ASXL3: variants seen among roughly 807,000 people sequenced by gnomAD.
The protein encoded by ASXL3 is putative Polycomb group protein ASXL3.
Under a neutral mutation model 170.6 loss-of-function variants are expected in ASXL3, and 34 were observed. The ratio of observed to expected loss-of-function variants is 0.20; its 90% confidence interval spans 0.15 to 0.27. ASXL3 has a LOEUF of 0.27. Among genes scored for constraint, ASXL3 ranks in the 10% least tolerant of loss-of-function variants. The pLI, the probability that ASXL3 is intolerant of heterozygous loss-of-function variation, is 1.00. For synonymous variants in ASXL3, 1,002 were observed against 989.1 expected, an observed-to-expected ratio of 1.01 and a Z score of -0.24; for missense variants, 2,592 against 2,695.3, an observed-to-expected ratio of 0.96 and a Z score of 0.85.
At chr18:33,589,598 G>A (rs1339368485) in intron 1 of ASXL3, among the ~76,000 whole-genome samples, 2 of 152,078 alleles carry the variant, frequency 1.3e-5, no homozygotes, top group Admixed American at 6.6e-5. Flanking sequence ...CTATTGTCTA[G>A]TACATTGATT....
At chr18:33,709,746 G>T (rs906441640) in intron 8 of ASXL3, among the ~76,000 whole-genome samples, 2 of 152,144 alleles carry the variant, frequency 1.3e-5, no homozygotes, top group Non-Finnish European at 2.9e-5. Context: ...TTCTATATAT[G>T]TTACACTTCA....
At chr18:33,713,248 G>GAGACAGGGTTT (rs2067104084) in intron 8 of ASXL3, among the ~76,000 whole-genome samples, 1 of 65,086 alleles carries the variant, frequency 1.5e-5, no homozygotes, top group African/African-American at 6.2e-5. Context: ...GTTTTGTTTT[G>GAGACAGGGTTT]TTTTTTTTTT....
At chr18:33,580,226 C>G (rs1298083027) in intron 1 of ASXL3, among the ~76,000 whole-genome samples, 1 of 152,196 alleles carries the variant, frequency 6.6e-6, no homozygotes, top group East Asian at 1.9e-4. Flanking sequence ...TGAACTGCAT[C>G]TGGAAGAGGA....
chr18:33,697,105 A>G (rs763480951), intron 8 of ASXL3, among the ~76,000 whole-genome samples: 20 of 152,172 alleles, frequency 1.3e-4, no homozygotes, highest in Non-Finnish European at 2.2e-4. Context: ...ATAACTAGGC[A>G]TAGAAAAGAT....
At chr18:33,644,554 A>G (rs1173420401) in intron 2 of ASXL3, among the ~76,000 whole-genome samples, 1 of 150,366 alleles carries the variant, frequency 6.7e-6, no homozygotes, top group Non-Finnish European at 1.5e-5. Context: ...TCATGGTGTT[A>G]TTTGTAAAAT....
intron 8 of ASXL3, among the ~76,000 whole-genome samples, chr18:33,686,031 G>A (rs2066591895): frequency 6.6e-6 from 1 of 152,194 alleles, no homozygotes; most frequent in Admixed American, 6.5e-5. Context: ...GATTGTCTTA[G>A]TTTTAGTCGA....
intron 8 of ASXL3, among the ~76,000 whole-genome samples, chr18:33,709,291 A>G (rs1475995982): frequency 6.7e-6 from 1 of 149,450 alleles, no homozygotes; most frequent in East Asian, 2.0e-4. Flanking sequence ...GAAATCATTG[A>G]TATGTTTACC....
intron 2 of ASXL3, among the ~76,000 whole-genome samples, chr18:33,623,773 A>G (rs1034832421): frequency 6.6e-6 from 1 of 152,166 alleles, no homozygotes; most frequent in Admixed American, 6.6e-5. Flanking sequence ...AAGGGAGTCT[A>G]GTTAGTGTTC....
At chr18:33,675,611 AT>A (rs1344882615) in intron 7 of ASXL3, among the ~76,000 whole-genome samples, 60 of 152,122 alleles carry the variant, frequency 3.9e-4, no homozygotes, top group Non-Finnish European at 1.3e-4. Flanking sequence ...AGGATAGAAA[AT>A]TCTTCTGATT....
chr18:33,669,716 T>G (rs542699774), intron 5 of ASXL3, among the ~76,000 whole-genome samples: 1 of 152,272 alleles, frequency 6.6e-6, no homozygotes, highest in South Asian at 2.1e-4. Context: ...ACTGGGATGT[T>G]GTAAAATTGG....
chr18:33,638,170 T>C (rs2065797604), intron 2 of ASXL3, among the ~76,000 whole-genome samples: 1 of 150,212 alleles, frequency 6.7e-6, no homozygotes. Flanking sequence ...AGTGTGTGTA[T>C]ATATATATCT....
At chr18:33,651,861 G>A (rs1246681196) in intron 4 of ASXL3, among the ~76,000 whole-genome samples, 3 of 152,062 alleles carry the variant, frequency 2.0e-5, no homozygotes, top group Non-Finnish European at 4.4e-5. Flanking sequence ...AATGGGAGAT[G>A]TGTTGCCAAG....
intron 8 of ASXL3, among the ~76,000 whole-genome samples, chr18:33,707,752 G>A (rs879709946): frequency 1.3e-5 from 2 of 151,808 alleles, no homozygotes; most frequent in Non-Finnish European, 2.9e-5. Flanking sequence ...TTTAAACTTC[G>A]GTTTAAAGAT....
chr18:33,657,630 C>T (rs796379425), intron 4 of ASXL3, among the ~76,000 whole-genome samples: 69 of 152,146 alleles, frequency 4.5e-4, no homozygotes, highest in African/African-American at 1.5e-3. Context: ...CACTGAAGCC[C>T]GCAGTTTTGC....
At chr18:33,597,771 G>C (rs1198057223) in intron 1 of ASXL3, among the ~76,000 whole-genome samples, 1 of 148,258 alleles carries the variant, frequency 6.7e-6, no homozygotes, top group Non-Finnish European at 1.5e-5. Context: ...TTAATGTATT[G>C]GTGTCTCAGT....
chr18:33,699,468 A>T (rs2066832457), intron 8 of ASXL3, among the ~76,000 whole-genome samples: 1 of 152,168 alleles, frequency 6.6e-6, no homozygotes, highest in South Asian at 2.1e-4. Context: ...TTGAAGATGG[A>T]GTGATAGAGA....
intron 7 of ASXL3, among the ~76,000 whole-genome samples, chr18:33,675,082 C>G (rs8089672): frequency 1.3e-5 from 2 of 152,096 alleles, no homozygotes; most frequent in South Asian, 4.1e-4. Context: ...CTTACTACAA[C>G]CATCATAGCC....
intron 2 of ASXL3, among the ~76,000 whole-genome samples, chr18:33,634,944 A>G (rs148307140): frequency 2.4e-4 from 37 of 152,278 alleles, no homozygotes; most frequent in African/African-American, 8.7e-4. Context: ...CAATAGTAGC[A>G]TAGGCTGTAA....
intron 2 of ASXL3, among the ~76,000 whole-genome samples, chr18:33,629,866 T>A (rs2065652538): frequency 6.6e-6 from 1 of 152,044 alleles, no homozygotes; most frequent in Admixed American, 6.6e-5. Flanking sequence ...TATGTATAAT[T>A]TTATAAATTT....
Sources: allele counts gnomAD v4.1 joint callset (sites outside exome capture counted in the v4.1 genomes callset), GRCh38; gene constraint gnomAD v4.1.1; transcripts MANE v1.5; gene names NCBI Gene and HGNC (gene_info 2026-07-23, HGNC 2026-07-21).